S100PBP: variants seen among roughly 807,000 people sequenced by gnomAD.
S100PBP encodes the protein S100P binding protein, also known as S100P-binding protein.
In S100PBP, 15 loss-of-function variants were observed where a neutral mutation model predicts 39.9. The ratio of observed to expected loss-of-function variants is 0.38; its 90% CI spans 0.25 to 0.58. S100PBP has a LOEUF of 0.58. S100PBP is among the 20% of genes least tolerant of loss of function. The pLI, the probability that S100PBP is intolerant of heterozygous loss-of-function variation, is 0.70. For missense variants in S100PBP, 504 were observed against 487.3 expected (o/e 1.03, Z -0.32); for synonymous variants, 178 against 180.3 (o/e 0.99, Z 0.10).
intron 6 of S100PBP, among the ~76,000 whole-genome samples, chr1:32,853,493 T>G (rs374081383): frequency 2.9e-5 from 4 of 138,380 alleles, no homozygotes; most frequent in African/African-American, 1.1e-4. Flanking sequence ...GAAAAGGCGG[T>G]GGGGGGGGGG....
intron 5 of S100PBP, among the ~76,000 whole-genome samples, chr1:32,845,866 A>G (rs1640347494): frequency 1.3e-5 from 2 of 151,076 alleles, no homozygotes; most frequent in Middle Eastern, 3.4e-3. Flanking sequence ...TTTTGTAGAG[A>G]TGGGGTTTTG....
upstream of S100PBP, chr1:32,817,381 G>A (rs1457913952): frequency 1.8e-6 from 2 of 1,087,062 alleles, no homozygotes; most frequent in Non-Finnish European, 2.7e-6. Context: ...CCGCTTACTC[G>A]GCCTGGACCC....
intron 5 of S100PBP, among the ~76,000 whole-genome samples, chr1:32,845,055 C>CT (rs1198691302): frequency 1.3e-5 from 2 of 150,510 alleles, no homozygotes; most frequent in African/African-American, 4.9e-5. Flanking sequence ...GAGGTGGAGT[C>CT]TCGCTGTTGC....
intron 5 of S100PBP, among the ~76,000 whole-genome samples, chr1:32,838,158 G>A (rs1242693819): frequency 1.3e-5 from 2 of 151,624 alleles, no homozygotes; most frequent in Middle Eastern, 3.2e-3. Flanking sequence ...TGGCTAACAC[G>A]GTGAAACTCC....
chr1:32,817,482 G>T, upstream of S100PBP: 3 of 610,764 alleles, frequency 4.9e-6, no homozygotes, highest in Non-Finnish European at 8.7e-6. Flanking sequence ...CACGGTGGGC[G>T]GTGCGGAGGG....
intron 5 of S100PBP, among the ~76,000 whole-genome samples, chr1:32,852,482 G>GCAATT (rs372042842): frequency 4.6e-5 from 7 of 152,266 alleles, no homozygotes; most frequent in African/African-American, 1.4e-4. Flanking sequence ...ATTGCATCTA[G>GCAATT]CAATTTTTCT....
At position 32,856,997 on chromosome 1, in the gene S100PBP, G is replaced by T. The variant is rs1309124200; in HGVS notation, c.*959G>T. 1 of 152,082 alleles carries T rather than the reference G, an allele frequency of 6.6e-6. No individual in the cohort carries two copies. The highest frequency in any genetic ancestry group is 2.4e-5 in the African/African-American group (1 of 41,410). The allele number at this position is 152,082 out of a possible 1,614,324, so 9.4% of individuals were successfully genotyped here. The stretch of plus-strand genomic sequence containing the variant: ...TCTAGGGCAGGCTAGTGCTATTGTG[G>T]TGTCAGTTGATATTTAGTTTCATTT... On this transcript the variant is annotated 3_prime_UTR_variant, in exon 7 of 7. Coordinates refer to ENST00000373475, the MANE Select transcript of S100PBP (RefSeq NM_022753.4).
At chr1:32,819,834 C>T (rs113773781) in intron 1 of S100PBP, among the ~76,000 whole-genome samples, 3 of 152,120 alleles carry the variant, frequency 2.0e-5, no homozygotes, top group African/African-American at 7.2e-5. Context: ...CCTATTTTTT[C>T]TCATGATAAT....
Position 32,822,953 on chromosome 1 carries a change from C to A in S100PBP, c.-119-2360C>A, listed in dbSNP as rs549282643. On this transcript the variant is annotated intron_variant, in intron 1 of 6. Coordinates refer to ENST00000373475, the MANE Select transcript of S100PBP (RefSeq NM_022753.4). ...TATAGATTGTACTGAATTTAGAAGGCCTGAGTTTGGATTCTAGCTCTGCCA... is the reference window on the plus strand; with the variant it reads ...TATAGATTGTACTGAATTTAGAAGGACTGAGTTTGGATTCTAGCTCTGCCA... 5.2e-3 allele frequency among the ~76,000 whole-genome samples: 794 copies of A among 152,282 alleles called. 8 individuals are homozygous for A. Among genetic ancestry groups the A allele is most frequent in the Middle Eastern group, 0.037 (11 of 294 alleles).
intron 1 of S100PBP, among the ~76,000 whole-genome samples, chr1:32,820,086 C>T (rs145644273): frequency 0.024 from 3,630 of 150,024 alleles, 48 homozygotes; most frequent in Non-Finnish European, 0.029. Context: ...TAATTTCAAG[C>T]AGGGTCTAGG....
At chr1:32,841,168 A>T (rs371709036) in intron 5 of S100PBP, among the ~76,000 whole-genome samples, 54 of 151,914 alleles carry the variant, frequency 3.6e-4, no homozygotes, top group African/African-American at 5.5e-4. Context: ...CTCAAAAAAA[A>T]AAAAAATAAA....
chr1:32,823,322 CT>C (rs1055705452), intron 1 of S100PBP, among the ~76,000 whole-genome samples: 2 of 152,076 alleles, frequency 1.3e-5, no homozygotes, highest in East Asian at 1.9e-4. Flanking sequence ...CCATACTAAA[CT>C]TTTTTTTCTA....
Position 32,825,427 on chromosome 1 carries a change from A to G in S100PBP, c.-5A>G, listed in dbSNP as rs1458273147. The G allele has an allele frequency of 6.6e-6, 1 of 152,260 alleles. No homozygotes were observed. Among genetic ancestry groups the G allele is most frequent in the East Asian group, 1.9e-4 (1 of 5,200 alleles). 9.4% of individuals were successfully genotyped at this position (152,260 alleles called of 1,614,324 possible). A position where few individuals can be genotyped will look rare whatever the true frequency, so the allele number is the denominator to read the frequency against. ...GCAGAGATTGCTCCAGCAGCTCCAC[A>G]CAGTATGGAAGACAGTTATTTACCT... On this transcript the variant is annotated splice_region_variant and 5_prime_UTR_variant, in exon 2 of 7. Coordinates refer to ENST00000373475, the MANE Select transcript of S100PBP (RefSeq NM_022753.4).
chr1:32,850,864 A>G (rs988254143), intron 5 of S100PBP, among the ~76,000 whole-genome samples: 3 of 152,232 alleles, frequency 2.0e-5, no homozygotes, highest in African/African-American at 7.2e-5. Flanking sequence ...GGATGGATCC[A>G]TTTAATAAAC....
chr1:32,838,787 G>T (rs2148667261), intron 5 of S100PBP, among the ~76,000 whole-genome samples: 1 of 151,730 alleles, frequency 6.6e-6, no homozygotes, highest in Non-Finnish European at 1.5e-5. Context: ...AGGTTGCAGT[G>T]AGCTGAGATC....
At chr1:32,817,282 C>CCAGA (rs770022702), upstream of S100PBP, 13 of 1,612,674 alleles carry the variant, frequency 8.1e-6, 1 homozygote, top group South Asian at 1.4e-4. Flanking sequence ...CAGCCCGGCA[C>CCAGA]CAGAGCCCCT....
At chr1:32,830,440 CT>C (rs1198264084) in intron 5 of S100PBP, among the ~76,000 whole-genome samples, 1 of 152,204 alleles carries the variant, frequency 6.6e-6, no homozygotes, top group Admixed American at 6.5e-5. Flanking sequence ...TGTTTTATTT[CT>C]CCTGTTACCT....
chr1:32,835,006 G>C (rs189261127), intron 5 of S100PBP: 4 of 152,212 alleles, frequency 2.6e-5, no homozygotes, highest in East Asian at 1.9e-4. Context: ...TGGGCGTGGT[G>C]GTGGGCGCCT....
At chr1:32,820,214 T>G (rs754556880) in intron 1 of S100PBP, among the ~76,000 whole-genome samples, 1 of 144,232 alleles carries the variant, frequency 6.9e-6, no homozygotes, top group Non-Finnish European at 1.5e-5. Context: ...TGGTGCGATC[T>G]CAGTTCACTG....
Sources: gnomAD v4.1 joint callset for allele counts (sites outside exome capture counted in the v4.1 genomes callset) on GRCh38, gnomAD v4.1.1 for gene constraint, MANE v1.5 for transcripts, NCBI Gene and HGNC (gene_info 2026-07-23, HGNC 2026-07-21) for gene names.